The following GSTO1 variants were observed in gnomAD, a reference collection of about 807,000 sequenced individuals.
The protein encoded by GSTO1 is glutathione S-transferase omega-1.
Under a neutral mutation model 23.8 loss-of-function variants are expected in GSTO1, and 27 were observed. That is an observed-to-expected ratio of 1.13 (90% CI 0.83 to 1.56). The LOEUF is 1.56. GSTO1 is among the 40% of genes most tolerant of loss of function. The probability of loss-of-function intolerance (pLI) is 0.00; values close to 1 mark genes in which losing one functional copy is unlikely to be tolerated. For missense variants in GSTO1, 255 were observed against 285.8 expected (o/e 0.89, Z 0.78); for synonymous variants, 105 against 109.3 (o/e 0.96, Z 0.25).
In GSTO1 at chr10:104,259,751, C is replaced by T. The variant is rs150506133; in HGVS notation, c.319C>T (p.Pro107Ser). Residue 107 changes from proline (P) to serine (S), a missense_variant, in exon 3 of 6, where the codon CCC becomes TCC. Coordinates refer to ENST00000369713, the MANE Select transcript of GSTO1 (RefSeq NM_004832.3). ...YPGKKLLPDDPYEKACQKMIL... is the reference protein window; with the variant it reads ...YPGKKLLPDDSYEKACQKMIL... ...AGGGAAGAAGCTGTTGCCGGATGAC[C>T]CCTATGAGAAAGCTTGCCAGAAGAT... 1.2e-5 allele frequency: 20 copies of T among 1,613,814 alleles called. No individual in the cohort carries two copies. The East Asian group carries it at 4.2e-4, about 34-fold the overall frequency.
chr10:104,259,796 A>G lies in GSTO1; in HGVS notation c.364A>G (p.Lys122Glu). 1 of 1,603,256 alleles carries G rather than the reference A, an allele frequency of 6.2e-7. No individual in the cohort carries two copies. The highest frequency in any genetic ancestry group is 1.3e-5 in the African/African-American group (1 of 74,846). ...CQKMILELFS[K>E]VPSLVGSFIR... ...GAAGATGATCTTAGAGTTGTTTTCT[A>G]AGGTTTGTGCATAAGAAATTTCAGC... Residue 122 changes from lysine (K) to glutamate (E), a missense_variant and splice_region_variant, in exon 3 of 6, where the codon AAG (lysine) becomes GAG (glutamate). Transcript: ENST00000369713.
intron 2 of GSTO1, among the ~76,000 whole-genome samples, 200 bp from the exon 3 acceptor site, chr10:104,259,376 G>A (rs1364515949): frequency 6.6e-6 from 1 of 152,136 alleles, no homozygotes; most frequent in Non-Finnish European, 1.5e-5. Context: ...GACACAGAAA[G>A]ACAAATACTG....
rs2011180665 is a variant in GSTO1 at position 104,266,206 on chromosome 10, A to G, written c.572+16A>G. On this transcript the variant is annotated intron_variant, in intron 5 of 5. Transcript: ENST00000369713. ...AGTTAAATGAGTAAGATATTTGAATATTTTGTGCATAATTTAGGATGACAG... is the reference window on the plus strand; with the variant it reads ...AGTTAAATGAGTAAGATATTTGAATGTTTTGTGCATAATTTAGGATGACAG... The G allele has an allele frequency of 5.9e-6, 8 of 1,361,766 alleles. No individual in the cohort carries two copies. The Admixed American group carries it at 8.4e-5, about 14-fold the overall frequency. The allele number at this position is 1,361,766 out of a possible 1,614,324, so 84.4% of individuals were successfully genotyped here.
At chr10:104,254,820 T>A, upstream of GSTO1, 1 of 1,141,372 alleles carries the variant, frequency 8.8e-7, no homozygotes, top group South Asian at 1.3e-5. Flanking sequence ...GGGCAGGCAC[T>A]TTTGAGCTAA....
chr10:104,258,458 A>G (rs959330228), intron 2 of GSTO1, among the ~76,000 whole-genome samples: 1 of 152,230 alleles, frequency 6.6e-6, no homozygotes. Context: ...AAGGCAACCT[A>G]TGGAATAGGA....
chr10:104,256,407 A>G (rs2091603111), intron 2 of GSTO1, among the ~76,000 whole-genome samples: 1 of 152,224 alleles, frequency 6.6e-6, no homozygotes, highest in Non-Finnish European at 1.5e-5. Context: ...CAGAGGCACA[A>G]AGTCCTGGGT....
intron 2 of GSTO1, among the ~76,000 whole-genome samples, chr10:104,258,304 A>G (rs1589844187): frequency 6.6e-6 from 1 of 152,232 alleles, no homozygotes; most frequent in East Asian, 1.9e-4. Context: ...AAAAGAAAAC[A>G]TAGGGGAAAA....
intron 4 of GSTO1, among the ~76,000 whole-genome samples, chr10:104,263,943 C>T (rs969850386): frequency 1.4e-5 from 2 of 147,956 alleles, no homozygotes; most frequent in East Asian, 3.9e-4. Flanking sequence ...TTTAACCATC[C>T]TAGCATTCCT....
upstream of GSTO1, chr10:104,254,631 C>A: frequency 2.0e-6 from 1 of 498,892 alleles, no homozygotes; most frequent in Non-Finnish European, 3.6e-6. Context: ...CCGTGGAGTG[C>A]GGAGTGGTGA....
At chr10:104,260,243 G>A (rs990210187) in intron 3 of GSTO1, among the ~76,000 whole-genome samples, 1 of 152,102 alleles carries the variant, frequency 6.6e-6, no homozygotes, top group Non-Finnish European at 1.5e-5. Flanking sequence ...TACTGCACTG[G>A]GGCTGTGAGC....
At chr10:104,266,418 A>G (rs2011184376) in intron 5 of GSTO1, among the ~76,000 whole-genome samples, 1 of 152,214 alleles carries the variant, frequency 6.6e-6, no homozygotes, top group Non-Finnish European at 1.5e-5. Flanking sequence ...AGTGCTTTAA[A>G]ATTTATTCCT....
At chr10:104,258,011 G>A (rs926330437) in intron 2 of GSTO1, among the ~76,000 whole-genome samples, 1 of 152,100 alleles carries the variant, frequency 6.6e-6, no homozygotes, top group African/African-American at 2.4e-5. Context: ...CCCACCTTTC[G>A]TGAAGCTTAC....
chr10:104,266,819 CG>C (rs1329113975), intron 5 of GSTO1, among the ~76,000 whole-genome samples: 2 of 151,952 alleles, frequency 1.3e-5, no homozygotes, highest in Non-Finnish European at 2.9e-5. Context: ...TCCCATTTAC[CG>C]TAAGATTTCC....
chr10:104,255,806 G>T (rs1000490830), intron 2 of GSTO1, among the ~76,000 whole-genome samples: 14 of 152,196 alleles, frequency 9.2e-5, no homozygotes, highest in African/African-American at 2.4e-4. Context: ...CAAATAGAGG[G>T]AAGTGTCTGT....
intron 4 of GSTO1, among the ~76,000 whole-genome samples, chr10:104,265,497 A>G (rs1231072085): frequency 6.6e-6 from 1 of 152,228 alleles, no homozygotes; most frequent in African/African-American, 2.4e-5. Flanking sequence ...CATGTGTTAC[A>G]TTGCCAAGTA....
At chr10:104,264,017 T>C (rs933821040) in intron 4 of GSTO1, among the ~76,000 whole-genome samples, 3 of 152,138 alleles carry the variant, frequency 2.0e-5, no homozygotes, top group Admixed American at 2.0e-4. Flanking sequence ...TAATGAATGA[T>C]TTTTGTATGT....
chr10:104,255,840 T>C lies in GSTO1; in HGVS notation c.143+569T>C, dbSNP rs371067750. On this transcript the variant is annotated intron_variant, in intron 2 of 5. Coordinates refer to ENST00000369713, the MANE Select transcript of GSTO1 (RefSeq NM_004832.3). ...GTCTAGCTCATCCTTCTGCAGAGCC[T>C]GTTTTGAAACTAGCATAGTTTTTGA... 1.6e-4 allele frequency among the ~76,000 whole-genome samples: 24 copies of C among 152,326 alleles called. No individual in the cohort carries two copies. In the East Asian group the frequency reaches 3.9e-3, roughly 24 times the overall value.
At position 104,263,010 on chromosome 10, in the gene GSTO1, G is replaced by A. The variant is rs139445649; in HGVS notation, c.398G>A (p.Ser133Asn). The change falls in exon 4 of 6, where the codon AGC becomes AAC. Residue 133 changes from serine to asparagine, a missense_variant. Transcript: ENST00000369713. The part of the protein sequence containing the change: ...VPSLVGSFIR[S>N]QNKEDYAGLK... Reference sequence around the variant, plus strand: ...TCCTTGGTAGGAAGCTTTATTAGAAGCCAAAATAAAGAAGACTATGCTGGC... The same window carrying A: ...TCCTTGGTAGGAAGCTTTATTAGAAACCAAAATAAAGAAGACTATGCTGGC... 4.0e-5 allele frequency: 62 copies of A among 1,541,120 alleles called. No homozygotes were observed. The highest frequency in any genetic ancestry group is 2.7e-4 in the Admixed American group (16 of 58,814).
chr10:104,267,332 G>A lies in GSTO1; in HGVS notation c.653G>A (p.Ser218Asn). 11 of 1,613,722 alleles carry A rather than the reference G, an allele frequency of 6.8e-6. No homozygotes were observed. The highest frequency in any genetic ancestry group is 8.5e-6 in the Non-Finnish European group (10 of 1,179,616). ...EDPTVSALLT[S>N]EKDWQGFLEL... is the part of the protein sequence containing the mutation. ...CCCACAGTCTCAGCCCTGCTTACTAGTGAGAAAGACTGGCAAGGTTTCCTA... is the reference window on the plus strand; with the variant it reads ...CCCACAGTCTCAGCCCTGCTTACTAATGAGAAAGACTGGCAAGGTTTCCTA... The change falls in exon 6 of 6, where the codon AGT becomes AAT. Residue 218 changes from serine to asparagine, a missense_variant. By Grantham distance (46) the Ser-to-Asn change is conservative. Coordinates refer to ENST00000369713, the MANE Select transcript of GSTO1 (RefSeq NM_004832.3).
Sources: allele counts gnomAD v4.1 joint callset (sites outside exome capture counted in the v4.1 genomes callset), GRCh38; gene constraint gnomAD v4.1.1; transcripts MANE v1.5; gene names NCBI Gene and HGNC (gene_info 2026-07-23, HGNC 2026-07-21).